HECW2: variants seen among roughly 807,000 people sequenced by gnomAD.
HECW2 encodes HECT, C2 and WW domain containing E3 ubiquitin protein ligase 2.
HECW2 carries 61 observed loss-of-function variants against 175.2 expected under a neutral mutation model. That is an observed-to-expected ratio of 0.35 (90% CI 0.28 to 0.43). The LOEUF is 0.43. Ranked by LOEUF, HECW2 falls within the 20% of genes least tolerant of loss-of-function variation. The pLI is 1.00. For synonymous variants in HECW2, 671 were observed against 731.0 expected (o/e 0.92, Z 1.32); for missense variants, 1,524 against 2,000.5 (o/e 0.76, Z 4.54).
chr2:196,228,263 A>G lies in HECW2; in HGVS notation c.3765-9T>C. On this transcript the variant is annotated splice_polypyrimidine_tract_variant and intron_variant, in intron 21 of 28. Coordinates refer to ENST00000644978, the MANE Select transcript of HECW2 (RefSeq NM_001348768.2). ...GCCCACTGTAATCCAGCCTGTAACA[A>G]AAATCCACAAAAAGAATAATCTGTT... 5.7e-6 allele frequency: 9 copies of G among 1,583,334 alleles called. No homozygotes were observed. The highest frequency in any genetic ancestry group is 7.7e-6 in the Non-Finnish European group (9 of 1,171,218).
intron 2 of HECW2, among the ~76,000 whole-genome samples, chr2:196,374,928 C>T (rs1297796148): frequency 6.6e-6 from 1 of 151,440 alleles, no homozygotes; most frequent in Non-Finnish European, 1.5e-5. Context: ...TTTGGGAGGT[C>T]GAGGTGGGCA....
intron 4 of HECW2, among the ~76,000 whole-genome samples, chr2:196,330,117 G>A (rs1692303651): frequency 6.6e-6 from 1 of 152,166 alleles, no homozygotes; most frequent in African/African-American, 2.4e-5. Flanking sequence ...TCCACATGGA[G>A]TCCTATCTCC....
At chr2:196,414,938 C>A (rs1340950887) in intron 2 of HECW2, among the ~76,000 whole-genome samples, 2 of 152,182 alleles carry the variant, frequency 1.3e-5, no homozygotes, top group Non-Finnish European at 2.9e-5. Flanking sequence ...GCTCTTAGAG[C>A]AGTTCCCTTC....
intron 1 of HECW2, among the ~76,000 whole-genome samples, chr2:196,569,076 G>A (rs1199010014): frequency 1.3e-5 from 2 of 152,202 alleles, no homozygotes; most frequent in African/African-American, 2.4e-5. Flanking sequence ...GGCGGCTCAT[G>A]CCTGAAATCT....
intron 1 of HECW2, among the ~76,000 whole-genome samples, chr2:196,581,934 T>G (rs1167916444): frequency 6.6e-6 from 1 of 151,240 alleles, no homozygotes; most frequent in Non-Finnish European, 1.5e-5. Context: ...GGAGTGGTGG[T>G]GGGAGCCTGT....
At chr2:196,435,706 T>C (rs78371344) in intron 1 of HECW2, among the ~76,000 whole-genome samples, 64 of 152,384 alleles carry the variant, frequency 4.2e-4, no homozygotes, top group African/African-American at 1.4e-3. Flanking sequence ...ATTTCGGTTA[T>C]ATCTTTACTT....
At chr2:196,424,899 C>A (rs1695500482) in intron 2 of HECW2, among the ~76,000 whole-genome samples, 1 of 152,090 alleles carries the variant, frequency 6.6e-6, no homozygotes, top group South Asian at 2.1e-4. Flanking sequence ...TCAATGTGGG[C>A]AAAACAGCCT....
chr2:196,548,219 A>G (rs1300571887), intron 1 of HECW2, among the ~76,000 whole-genome samples: 1 of 151,714 alleles, frequency 6.6e-6, no homozygotes, highest in Non-Finnish European at 1.5e-5. Context: ...AATCCCAGCT[A>G]CTCAGGAGGC....
At chr2:196,379,513 G>A (rs1418679264) in intron 2 of HECW2, among the ~76,000 whole-genome samples, 2 of 151,832 alleles carry the variant, frequency 1.3e-5, no homozygotes, top group Non-Finnish European at 1.5e-5. Flanking sequence ...GTGAAACCCC[G>A]TCTCTACTAA....
At chr2:196,386,055 C>T (rs6746704) in intron 2 of HECW2, among the ~76,000 whole-genome samples, 114,024 of 152,136 alleles carry the variant, frequency 0.75, 43,976 homozygotes, top group East Asian at 0.85. Flanking sequence ...CATGAAGAAT[C>T]GGACTAACGA....
chr2:196,545,754 T>A (rs1575658643), intron 1 of HECW2, among the ~76,000 whole-genome samples: 1 of 152,300 alleles, frequency 6.6e-6, no homozygotes, highest in East Asian at 1.9e-4. Flanking sequence ...CAGAAAGCAA[T>A]CACATTTCCC....
chr2:196,528,750 G>T (rs1688750451), intron 1 of HECW2, among the ~76,000 whole-genome samples: 8 of 152,194 alleles, frequency 5.3e-5, no homozygotes, highest in Admixed American at 5.2e-4. Flanking sequence ...TCTAATAAAA[G>T]AATGAGGAGA....
intron 1 of HECW2, among the ~76,000 whole-genome samples, chr2:196,532,040 G>T (rs1688856180): frequency 6.6e-6 from 1 of 152,196 alleles, no homozygotes. Flanking sequence ...CACACAACTG[G>T]CATCTAACAT....
At chr2:196,426,025 T>C (rs1695536987) in intron 2 of HECW2, among the ~76,000 whole-genome samples, 1 of 152,132 alleles carries the variant, frequency 6.6e-6, no homozygotes, top group South Asian at 2.1e-4. Flanking sequence ...ACCACCCTGA[T>C]CAGTCAGCAG....
chr2:196,203,918 A>G (rs1449976173), intron 28 of HECW2, among the ~76,000 whole-genome samples: 2 of 152,144 alleles, frequency 1.3e-5, no homozygotes, highest in Non-Finnish European at 2.9e-5. Context: ...TTGTGTCTCT[A>G]TGAATTTCAC....
intron 2 of HECW2, among the ~76,000 whole-genome samples, chr2:196,387,447 C>T (rs4566381): frequency 0.72 from 109,860 of 151,962 alleles, 41,883 homozygotes; most frequent in East Asian, 0.86. Context: ...AAAGGTAGCA[C>T]CATCTGTGAG....
chr2:196,216,906 C>T (rs779231340), intron 27 of HECW2, 102 bp downstream of exon 27: 5 of 744,004 alleles, frequency 6.7e-6, no homozygotes, highest in Non-Finnish European at 1.1e-5. Flanking sequence ...TCCAGATACA[C>T]ATGGTATGTG....
intron 1 of HECW2, among the ~76,000 whole-genome samples, chr2:196,551,064 C>A (rs1223581926): frequency 6.6e-6 from 1 of 152,192 alleles, no homozygotes; most frequent in South Asian, 2.1e-4. Flanking sequence ...AAGTGTTTGT[C>A]TTTTTATCCA....
intron 5 of HECW2, 23 bp from the exon 6 acceptor site, chr2:196,325,172 AG>A: frequency 6.5e-7 from 1 of 1,544,544 alleles, no homozygotes; most frequent in Admixed American, 2.0e-5. Context: ...AGGGAGAAGG[AG>A]GGAGGGACAA....
Sources: gnomAD v4.1 joint callset for allele counts (sites outside exome capture counted in the v4.1 genomes callset) on GRCh38, gnomAD v4.1.1 for gene constraint, MANE v1.5 for transcripts, NCBI Gene and HGNC (gene_info 2026-07-23, HGNC 2026-07-21) for gene names.